The following SOX5 variants were observed in gnomAD, a reference collection of about 807,000 sequenced individuals.
SOX5 encodes the protein SRY-box transcription factor 5.
Under a neutral mutation model 92.0 loss-of-function variants are expected in SOX5, and 9 were observed. The ratio of observed to expected loss-of-function variants is 0.10; its 90% confidence interval spans 0.06 to 0.17. The LOEUF is 0.17. Ranked by LOEUF, SOX5 falls within the 10% of genes least tolerant of loss-of-function variation. SOX5 has a pLI of 1.00. For missense variants in SOX5, 642 were observed against 944.5 expected (o/e 0.68, Z 4.20); for synonymous variants, 344 against 336.3 (o/e 1.02, Z -0.25).
chr12:24,044,892 G>T (rs967276742), intron 4 of SOX5, among the ~76,000 whole-genome samples: 2 of 152,114 alleles, frequency 1.3e-5, no homozygotes, highest in Non-Finnish European at 2.9e-5. Context: ...GAAGAGCCTT[G>T]GACAAAAGCA....
chr12:23,701,487 C>CA (rs1489892740), intron 6 of SOX5, among the ~76,000 whole-genome samples: 13 of 151,980 alleles, frequency 8.6e-5, no homozygotes, highest in Non-Finnish European at 1.9e-4. Context: ...ACTCACATAT[C>CA]AAAAACTTTA....
At chr12:24,282,537 A>C (rs889225912) in intron 2 of SOX5, among the ~76,000 whole-genome samples, 1 of 152,108 alleles carries the variant, frequency 6.6e-6, no homozygotes, top group African/African-American at 2.4e-5. Context: ...GAAACAAAAA[A>C]AAAAAAGGTG....
At position 23,873,600 on chromosome 12, in the gene SOX5, C is replaced by T. The variant is rs2096897509; in HGVS notation, c.270+22193G>A. Among the ~76,000 whole-genome samples the T allele has an allele frequency of 2.0e-5, 3 of 152,196 alleles. No individual in the cohort carries two copies. In the South Asian group the frequency reaches 6.2e-4, roughly 31 times the overall value. ...TGTTTTCAGTGCCAAGTATATCATTCTCACCAACCGCTCAATTGTAATTTC... is the reference window on the plus strand; with the variant it reads ...TGTTTTCAGTGCCAAGTATATCATTTTCACCAACCGCTCAATTGTAATTTC... On this transcript the variant is annotated intron_variant, in intron 2 of 14. Transcript: ENST00000451604.
Position 23,983,019 on chromosome 12 carries a change from C to T in SOX5, c.-1-86995G>A, listed in dbSNP as rs190909808. ...TTTTCAGGTTTTTGCAAACCACTAG[C>T]CCAGCACGATCAAGATCCTGAGTTA... On this transcript the variant is annotated intron_variant, in intron 4 of 4. Transcript: ENST00000446891. 2.0e-5 allele frequency among the ~76,000 whole-genome samples: 3 copies of T among 152,056 alleles called. No homozygotes were observed. In the East Asian group the frequency reaches 5.8e-4, roughly 29 times the overall value.
At chr12:24,463,994 T>C (rs1486561622) in intron 1 of SOX5, among the ~76,000 whole-genome samples, 2 of 152,220 alleles carry the variant, frequency 1.3e-5, no homozygotes, top group Admixed American at 6.5e-5. Flanking sequence ...ACAACTAATC[T>C]AAAATTTCCT....
chr12:24,000,473 A>T (rs1178386923), intron 4 of SOX5, among the ~76,000 whole-genome samples: 3 of 152,084 alleles, frequency 2.0e-5, no homozygotes, highest in African/African-American at 7.2e-5. Flanking sequence ...AAATTAGGTT[A>T]GTATCCAACT....
At chr12:23,929,455 TC>T in intron 1 of SOX5, among the ~76,000 whole-genome samples, 1 of 151,946 alleles carries the variant, frequency 6.6e-6, no homozygotes, top group East Asian at 1.9e-4. Context: ...TTCAGGGGTC[TC>T]CTAAGTATGA....
chr12:24,282,394 A>C (rs1298632520), intron 2 of SOX5, among the ~76,000 whole-genome samples: 1 of 151,666 alleles, frequency 6.6e-6, no homozygotes, highest in African/African-American at 2.4e-5. Flanking sequence ...AAAAATAAAT[A>C]AATAAAAATC....
At chr12:24,257,353 G>T (rs1057377421) in intron 3 of SOX5, among the ~76,000 whole-genome samples, 1 of 152,150 alleles carries the variant, frequency 6.6e-6, no homozygotes, top group Non-Finnish European at 1.5e-5. Context: ...ACATAAAGGT[G>T]CATACAAAAA....
intron 9 of SOX5, among the ~76,000 whole-genome samples, chr12:23,591,266 C>G (rs149499398): frequency 6.6e-6 from 1 of 151,922 alleles, no homozygotes; most frequent in South Asian, 2.1e-4. Context: ...AATGATATTA[C>G]AAACTATGAT....
intron 1 of SOX5, among the ~76,000 whole-genome samples, chr12:23,901,346 G>A (rs2097230223): frequency 6.6e-6 from 1 of 152,118 alleles, no homozygotes; most frequent in Non-Finnish European, 1.5e-5. Context: ...TAGGACTTCT[G>A]ACCTCCAAAA....
At chr12:23,871,351 G>A (rs2096870349) in intron 2 of SOX5, among the ~76,000 whole-genome samples, 1 of 152,158 alleles carries the variant, frequency 6.6e-6, no homozygotes, top group South Asian at 2.1e-4. Context: ...GGCAGTAGAT[G>A]AACATGAAGA....
intron 4 of SOX5, among the ~76,000 whole-genome samples, chr12:24,140,672 T>TC (rs1255735343): frequency 6.6e-6 from 1 of 152,104 alleles, no homozygotes; most frequent in African/African-American, 2.4e-5. Context: ...TAGAAAATTC[T>TC]CCCCCCTCAA....
chr12:23,691,981 A>G (rs1430635541), intron 6 of SOX5, among the ~76,000 whole-genome samples: 1 of 151,998 alleles, frequency 6.6e-6, no homozygotes, highest in African/African-American at 2.4e-5. Flanking sequence ...TTCTTTATTT[A>G]CTGAGATATA....
intron 3 of SOX5, among the ~76,000 whole-genome samples, chr12:23,829,949 C>A (rs981169722): frequency 6.6e-6 from 1 of 152,118 alleles, no homozygotes; most frequent in Non-Finnish European, 1.5e-5. Context: ...CACTGGTACT[C>A]AGCTCCAGGA....
In SOX5 at chr12:23,765,173, C is replaced by G. The variant is rs191476411; in HGVS notation, c.482-9449G>C. Among the ~76,000 whole-genome samples, 21 of 151,694 alleles carry G rather than the reference C, an allele frequency of 1.4e-4. No homozygotes were observed. In the East Asian group the frequency reaches 3.5e-3, roughly 25 times the overall value. The stretch of plus-strand genomic sequence containing the variant: ...TTCTCAACCAAAGTAGTCCATCTGC[C>G]TTAACAACTTGTTTATTATTTGGTC... On this transcript the variant is annotated intron_variant, in intron 3 of 14. Coordinates refer to ENST00000451604, the MANE Select transcript of SOX5 (RefSeq NM_006940.6).
At chr12:24,307,493 G>GGAAA (rs1948712156) in intron 2 of SOX5, among the ~76,000 whole-genome samples, 1 of 34,244 alleles carries the variant, frequency 2.9e-5, no homozygotes, top group African/African-American at 5.0e-5. Context: ...AAGGAAGGAA[G>GGAAA]GAAGGAAGGA....
At chr12:23,936,419 A>C (rs1942568131) in intron 1 of SOX5, among the ~76,000 whole-genome samples, 1 of 151,070 alleles carries the variant, frequency 6.6e-6, no homozygotes. Flanking sequence ...AGTTTGAAGA[A>C]AGTGACAGTA....
chr12:24,130,777 C>T (rs1949570138), intron 4 of SOX5, among the ~76,000 whole-genome samples: 1 of 152,118 alleles, frequency 6.6e-6, no homozygotes, highest in African/African-American at 2.4e-5. Context: ...TCTCTTTTTC[C>T]TCTATGCATT....
Sources: allele counts gnomAD v4.1 joint callset (sites outside exome capture counted in the v4.1 genomes callset), GRCh38; gene constraint gnomAD v4.1.1; transcripts MANE v1.5; gene names NCBI Gene and HGNC (gene_info 2026-07-23, HGNC 2026-07-21).